Variants in UST observed in about 807,000 individuals in gnomAD.
UST encodes uronyl 2-sulfotransferase, also known as chondroitin sulfate 2-O-sulfotransferase.
In UST, 21 loss-of-function variants were observed where a neutral mutation model predicts 45.6. The observed-to-expected ratio is 0.46, with a 90% confidence interval of 0.33 to 0.66. UST has a LOEUF of 0.66. UST is among the 30% of genes least tolerant of loss of function. The probability of loss-of-function intolerance (pLI) is 0.02; values close to 1 mark genes in which losing one functional copy is unlikely to be tolerated. For synonymous variants in UST, 215 were observed against 200.6 expected, an observed-to-expected ratio of 1.07 and a Z score of -0.61; for missense variants, 463 against 512.4, an observed-to-expected ratio of 0.90 and a Z score of 0.93.
intron 7 of UST, among the ~76,000 whole-genome samples, chr6:149,064,363 G>A (rs1776701359): frequency 6.6e-6 from 1 of 152,200 alleles, no homozygotes; most frequent in African/African-American, 2.4e-5. Flanking sequence ...GCTTTAAATG[G>A]TGATAATAAG....
chr6:149,018,953 T>C (rs1039637208), intron 5 of UST, among the ~76,000 whole-genome samples, 186 bp from the exon 6 acceptor site: 4 of 152,204 alleles, frequency 2.6e-5, no homozygotes, highest in Admixed American at 2.6e-4. Context: ...GCCCTGTGTG[T>C]GCCTGGCCAG....
chr6:148,916,924 C>T (rs149085890), intron 2 of UST, among the ~76,000 whole-genome samples: 3 of 152,362 alleles, frequency 2.0e-5, no homozygotes, highest in African/African-American at 7.2e-5. Flanking sequence ...CTGCCTTGCT[C>T]ATCACGTTGC....
intron 1 of UST, among the ~76,000 whole-genome samples, chr6:148,798,713 G>C (rs1776996691): frequency 6.6e-6 from 1 of 152,102 alleles, no homozygotes; most frequent in African/African-American, 2.4e-5. Flanking sequence ...ATGCTCACCA[G>C]GGCCAAACAC....
At chr6:148,886,881 G>C (rs1417630979) in intron 1 of UST, 105 bp from the exon 2 acceptor site, 9 of 955,826 alleles carry the variant, frequency 9.4e-6, no homozygotes, top group South Asian at 4.2e-5. Context: ...ACTGTTGTCT[G>C]AGCAGAAATA....
intron 1 of UST, among the ~76,000 whole-genome samples, chr6:148,783,914 G>T (rs1417924285): frequency 6.6e-6 from 1 of 152,226 alleles, no homozygotes; most frequent in South Asian, 2.1e-4. Context: ...AAGATGATGA[G>T]CTACAAGATT....
chr6:148,932,945 G>A (rs1779950268), intron 2 of UST, among the ~76,000 whole-genome samples: 1 of 152,148 alleles, frequency 6.6e-6, no homozygotes, highest in African/African-American at 2.4e-5. Flanking sequence ...GGAGCCTTGG[G>A]AATCATTAGG....
At position 148,945,613 on chromosome 6, in the gene UST, A is replaced by C. The variant is rs547111765; in HGVS notation, c.447+4179A>C. Among the ~76,000 whole-genome samples the C allele has an allele frequency of 2.0e-5, 3 of 152,372 alleles. No homozygotes were observed. In the East Asian group the frequency reaches 5.8e-4, roughly 29 times the overall value. On this transcript the variant is annotated intron_variant, in intron 3 of 7. Coordinates refer to ENST00000367463, the MANE Select transcript of UST (RefSeq NM_005715.3). ...TGAAAGAAAAAAAATATTATGGTTC[A>C]ATAAATTTGGTAAATGTTGCGTGCC...
At chr6:148,978,708 A>G (rs1269853155) in intron 5 of UST, among the ~76,000 whole-genome samples, 1 of 152,178 alleles carries the variant, frequency 6.6e-6, no homozygotes, top group African/African-American at 2.4e-5. Context: ...GCATTAGGAC[A>G]AATACCTAAT....
intron 1 of UST, among the ~76,000 whole-genome samples, chr6:148,851,591 G>T (rs1367480836): frequency 6.6e-6 from 1 of 152,210 alleles, no homozygotes; most frequent in Non-Finnish European, 1.5e-5. Context: ...TAAGCAGACT[G>T]TTGGCAAACT....
chr6:149,055,543 C>T (rs1776549986), intron 7 of UST, among the ~76,000 whole-genome samples: 1 of 152,092 alleles, frequency 6.6e-6, no homozygotes, highest in Admixed American at 6.6e-5. Flanking sequence ...TCTCCTGTCC[C>T]CTCCCCCACC....
chr6:148,844,792 C>T (rs888141136), intron 1 of UST, among the ~76,000 whole-genome samples: 1 of 152,094 alleles, frequency 6.6e-6, no homozygotes, highest in African/African-American at 2.4e-5. Context: ...TCATTTCCTG[C>T]CCCTGTAGTA....
rs544946675 is a variant in UST at position 148,838,935 on chromosome 6, G to T, written c.248-48051G>T. ...CAGGTCCCCTGAATTGTTCTGAATA[G>T]GTATATGCCCCCATATGCAGCTGCC... is the stretch of plus-strand genomic sequence containing the variant. On this transcript the variant is annotated intron_variant, in intron 1 of 7. Coordinates refer to ENST00000367463, the MANE Select transcript of UST (RefSeq NM_005715.3). Among the ~76,000 whole-genome samples, 384 of 152,192 alleles carry T rather than the reference G, an allele frequency of 2.5e-3. 1 individual carries two copies. Among genetic ancestry groups the T allele is most frequent in the African/African-American group, 8.3e-3 (345 of 41,520 alleles).
rs899068533 is a variant in UST at position 149,050,672 on chromosome 6, G to A, written c.938-23161G>A. On this transcript the variant is annotated intron_variant, in intron 7 of 7. Coordinates refer to ENST00000367463, the MANE Select transcript of UST (RefSeq NM_005715.3). ...TATACTTTATCCTCCAAAATAAAATGACAAAAATAAAACTTTGGACTTTTC... is the reference window on the plus strand; with the variant it reads ...TATACTTTATCCTCCAAAATAAAATAACAAAAATAAAACTTTGGACTTTTC... 3.9e-5 allele frequency among the ~76,000 whole-genome samples: 6 copies of A among 152,124 alleles called. No individual in the cohort carries two copies. In the East Asian group the frequency reaches 9.6e-4, roughly 24 times the overall value.
intron 7 of UST, among the ~76,000 whole-genome samples, chr6:149,056,932 C>G (rs1776573876): frequency 6.6e-6 from 1 of 152,214 alleles, no homozygotes; most frequent in Non-Finnish European, 1.5e-5. Flanking sequence ...CCATGAACAG[C>G]TGCTTCATTC....
rs775406179 is a variant in UST, at chr6:148,964,458, C to G, written c.576C>G (p.Val192=). The G allele has an allele frequency of 1.9e-6, 3 of 1,614,220 alleles. No homozygotes were observed. In the South Asian group the frequency reaches 3.3e-5, roughly 18 times the overall value. The change falls in exon 5 of 8, where the codon GTC becomes GTG. Residue 192 remains valine, a synonymous_variant. Coordinates refer to ENST00000367463, the MANE Select transcript of UST (RefSeq NM_005715.3). The stretch of plus-strand genomic sequence containing the variant: ...ACATCAACATCATTAGAGACCCCGT[C>G]AACCGGTTCTTATCCAACTATTTTT... ...PVYINIIRDP[V]NRFLSNYFFR...
At chr6:148,879,641 C>T (rs1778786542) in intron 1 of UST, among the ~76,000 whole-genome samples, 1 of 152,176 alleles carries the variant, frequency 6.6e-6, no homozygotes, top group African/African-American at 2.4e-5. Flanking sequence ...GCAGTGAAGG[C>T]GGCTCTAATA....
chr6:148,971,957 A>G (rs1270173149), intron 5 of UST, among the ~76,000 whole-genome samples: 1 of 152,180 alleles, frequency 6.6e-6, no homozygotes, highest in African/African-American at 2.4e-5. Context: ...TGCAAGATAA[A>G]CCAAGGAGGA....
chr6:149,060,004 G>A (rs76404523), intron 7 of UST, among the ~76,000 whole-genome samples: 66 of 152,210 alleles, frequency 4.3e-4, no homozygotes, highest in African/African-American at 1.5e-3. Context: ...TTCTCTTCCT[G>A]GTTCCTTTTA....
At chr6:149,021,097 A>G (rs112965973) in intron 6 of UST, among the ~76,000 whole-genome samples, 21 of 152,310 alleles carry the variant, frequency 1.4e-4, no homozygotes, top group African/African-American at 5.1e-4. Context: ...TGGGCTTGGC[A>G]TGAAGCATGG....
Sources: gnomAD v4.1 joint callset for allele counts (sites outside exome capture counted in the v4.1 genomes callset) on GRCh38, gnomAD v4.1.1 for gene constraint, MANE v1.5 for transcripts, NCBI Gene and HGNC (gene_info 2026-07-23, HGNC 2026-07-21) for gene names.